Variants in UNC93A observed in about 807,000 individuals in gnomAD.
UNC93A encodes unc-93 homolog A.
In UNC93A, 43 loss-of-function variants were observed where a neutral mutation model predicts 47.5. That is an observed-to-expected ratio of 0.91 (90% confidence interval 0.71 to 1.17). The LOEUF (loss-of-function observed/expected upper bound fraction) is 1.17. Ranked by LOEUF, UNC93A falls within the 50% of genes most tolerant of loss-of-function variation. The pLI is 0.00. For missense variants in UNC93A, 605 were observed against 577.6 expected (o/e 1.05, Z -0.49); for synonymous variants, 280 against 258.0 (o/e 1.09, Z -0.82).
chr6:167,281,951 C>T (rs551327435), intron 1 of UNC93A, among the ~76,000 whole-genome samples: 67 of 152,294 alleles, frequency 4.4e-4, no homozygotes, highest in Middle Eastern at 3.4e-3. Context: ...ATGTAGATGA[C>T]GACCTCTACT....
chr6:167,277,085 C>CG (rs142683007), intron 1 of UNC93A, among the ~76,000 whole-genome samples: 1,962 of 152,274 alleles, frequency 0.013, 50 homozygotes, highest in African/African-American at 0.045. Flanking sequence ...GCCAGTGGGC[C>CG]GGGGGCACGT....
chr6:167,308,975 C>A (rs560737373), intron 7 of UNC93A, among the ~76,000 whole-genome samples: 1 of 151,892 alleles, frequency 6.6e-6, no homozygotes, highest in East Asian at 1.9e-4. Context: ...AGTGAGGACA[C>A]GGATGGGAGA....
At chr6:167,310,613 T>A (rs963084956) in intron 7 of UNC93A, among the ~76,000 whole-genome samples, 7 of 152,190 alleles carry the variant, frequency 4.6e-5, no homozygotes, top group Non-Finnish European at 7.3e-5. Flanking sequence ...GGGTGCGGTG[T>A]CTCACCCCTG....
chr6:167,288,983 G>A (rs987214416), upstream of UNC93A, among the ~76,000 whole-genome samples: 10 of 152,294 alleles, frequency 6.6e-5, no homozygotes, highest in Admixed American at 4.6e-4. Flanking sequence ...AGCTGATAGA[G>A]CCCAGATGTT....
At chr6:167,306,401 C>A (rs531653136) in intron 6 of UNC93A, among the ~76,000 whole-genome samples, 10 of 152,252 alleles carry the variant, frequency 6.6e-5, no homozygotes, top group African/African-American at 2.4e-4. Flanking sequence ...CCATGGGGTT[C>A]ACGGAAAGAC....
At chr6:167,284,806 C>G (rs1023951893) in intron 1 of UNC93A, among the ~76,000 whole-genome samples, 44 of 151,196 alleles carry the variant, frequency 2.9e-4, no homozygotes, top group Middle Eastern at 3.4e-3. Context: ...GCGGTCGCCA[C>G]AGGTGGGTGC....
At chr6:167,276,816 G>A (rs991693) in intron 1 of UNC93A, among the ~76,000 whole-genome samples, 56,891 of 152,130 alleles carry the variant, frequency 0.37, 10,940 homozygotes, top group African/African-American at 0.43. Context: ...AACCCCGGGA[G>A]TCGTGGCCAT....
At chr6:167,277,737 T>TCTGTCTCTCTGGCTATC (rs1783567903) in intron 1 of UNC93A, among the ~76,000 whole-genome samples, 2 of 151,362 alleles carry the variant, frequency 1.3e-5, no homozygotes, top group Non-Finnish European at 2.9e-5. Context: ...CTATAACTCT[T>TCTGTCTCTCTGGCTATC]TCTGTCTCTC....
At chr6:167,277,501 CA>C (rs1783562904) in intron 1 of UNC93A, among the ~76,000 whole-genome samples, 1 of 152,160 alleles carries the variant, frequency 6.6e-6, no homozygotes, top group Admixed American at 6.5e-5. Flanking sequence ...GCCCCTCCTG[CA>C]AAAGCTCTGG....
At chr6:167,288,942 G>A (rs531014971), upstream of UNC93A, among the ~76,000 whole-genome samples, 159 of 152,396 alleles carry the variant, frequency 1.0e-3, no homozygotes, top group African/African-American at 3.6e-3. Context: ...CTGCAGATTC[G>A]AGCAGATCTA....
chr6:167,311,228 A>T (rs371261742), intron 7 of UNC93A, among the ~76,000 whole-genome samples: 1,951 of 152,298 alleles, frequency 0.013, 55 homozygotes, highest in African/African-American at 0.044. Context: ...ATAAAACCCA[A>T]TGCACTTTGT....
intron 7 of UNC93A, among the ~76,000 whole-genome samples, chr6:167,311,181 T>A (rs1475992589): frequency 6.6e-6 from 1 of 152,224 alleles, no homozygotes; most frequent in Non-Finnish European, 1.5e-5. Context: ...TTTAAGAACA[T>A]ATGTGGACCA....
At chr6:167,294,443 C>CA in intron 1 of UNC93A, 74 bp from the exon 2 acceptor site, 1 of 1,548,644 alleles carries the variant, frequency 6.5e-7, no homozygotes. Context: ...GCCTGGGGGA[C>CA]ACTGAGGACC....
At chr6:167,304,278 C>G in intron 5 of UNC93A, 145 bp downstream of exon 5, 1 of 809,028 alleles carries the variant, frequency 1.2e-6, no homozygotes, top group Admixed American at 2.3e-5. Flanking sequence ...GCTCCCAGTG[C>G]TACCATAGCT....
intron 4 of UNC93A, 23 bp from the exon 5 acceptor site, chr6:167,303,896 A>G: frequency 6.2e-7 from 1 of 1,613,150 alleles, no homozygotes; most frequent in Middle Eastern, 1.7e-4. Context: ...ATGAAAGCTG[A>G]AGCCTTTGCT....
chr6:167,306,556 G>A (rs975207627), intron 6 of UNC93A, among the ~76,000 whole-genome samples: 1 of 152,214 alleles, frequency 6.6e-6, no homozygotes. Context: ...CAGAGATCAC[G>A]TGAACAATGA....
Position 167,306,018 on chromosome 6 carries a change from A to G in UNC93A, c.944A>G (p.Gln315Arg), listed in dbSNP as rs111255572. 7 of 1,614,216 alleles carry G rather than the reference A, an allele frequency of 4.3e-6. No homozygotes were observed. Among genetic ancestry groups the G allele is most frequent in the African/African-American group, 4.0e-5 (3 of 75,032 alleles). ...LCSVLYGKVS[Q>R]YTGRAVLYVL... ...TCCGTGTTGTATGGAAAGGTCTCGC[A>G]GTACACGGGCAGGGCTGTGCTGTAC... The change falls in exon 6 of 8, where the codon CAG (glutamine) becomes CGG (arginine). Residue 315 changes from glutamine to arginine, a missense_variant. Gln to Arg is a conservative substitution (Grantham distance 43, BLOSUM62 1). Coordinates refer to ENST00000230256, the MANE Select transcript of UNC93A (RefSeq NM_018974.4).
At chr6:167,281,942 T>G (rs1201996560) in intron 1 of UNC93A, among the ~76,000 whole-genome samples, 1 of 152,230 alleles carries the variant, frequency 6.6e-6, no homozygotes, top group East Asian at 1.9e-4. Context: ...CATGGTGACA[T>G]GTAGATGACG....
intron 4 of UNC93A, among the ~76,000 whole-genome samples, chr6:167,301,961 G>A (rs1778252563): frequency 6.6e-6 from 1 of 152,180 alleles, no homozygotes; most frequent in South Asian, 2.1e-4. Context: ...GGGTGACCAA[G>A]AAACACCTGT....
Sources: allele counts gnomAD v4.1 joint callset (sites outside exome capture counted in the v4.1 genomes callset), GRCh38; gene constraint gnomAD v4.1.1; transcripts MANE v1.5; gene names NCBI Gene and HGNC (gene_info 2026-07-23, HGNC 2026-07-21).